The following USH2A variants were observed in gnomAD, a reference collection of about 807,000 sequenced individuals.
The protein encoded by USH2A is usherin, also known as Usher syndrome 2A (autosomal recessive, mild).
Under a neutral mutation model 538.9 loss-of-function variants are expected in USH2A, and 443 were observed. The observed-to-expected ratio is 0.82, with a 90% CI of 0.76 to 0.89. USH2A has a LOEUF of 0.89. USH2A is among the 40% of genes least tolerant of loss of function. The pLI is 0.00. For synonymous variants in USH2A, 2,413 were observed against 2,273.5 expected, an observed-to-expected ratio of 1.06 and a Z score of -1.75; for missense variants, 6,633 against 6,324.8, an observed-to-expected ratio of 1.05 and a Z score of -1.65.
chr1:216,081,281 C>T (rs753702691), intron 26 of USH2A, among the ~76,000 whole-genome samples: 26 of 151,978 alleles, frequency 1.7e-4, no homozygotes, highest in African/African-American at 7.2e-5. Context: ...GGTGTCAATG[C>T]GTTGGTGAAC....
chr1:215,765,504 T>C (rs1023756113), intron 56 of USH2A, among the ~76,000 whole-genome samples: 1 of 152,170 alleles, frequency 6.6e-6, no homozygotes, highest in Non-Finnish European at 1.5e-5. Flanking sequence ...TAACATTGCA[T>C]TTCTGTTTAG....
intron 40 of USH2A, among the ~76,000 whole-genome samples, chr1:215,892,146 C>G (rs1443405693): frequency 6.6e-6 from 1 of 152,040 alleles, no homozygotes; most frequent in Middle Eastern, 3.2e-3. Context: ...TGTGTGCGCA[C>G]ACACTTGTTT....
At chr1:216,387,931 C>T (rs1412693596) in intron 3 of USH2A, among the ~76,000 whole-genome samples, 2 of 152,090 alleles carry the variant, frequency 1.3e-5, no homozygotes, top group Non-Finnish European at 2.9e-5. Flanking sequence ...AGTTGAATAG[C>T]GTCAGGCTCT....
intron 64 of USH2A, among the ~76,000 whole-genome samples, chr1:215,659,162 T>C (rs913552301): frequency 1.3e-5 from 2 of 152,202 alleles, no homozygotes; most frequent in Non-Finnish European, 2.9e-5. Context: ...TGTAGGGTGA[T>C]ATACATAAGG....
chr1:216,129,012 T>C (rs1410071233), intron 21 of USH2A, among the ~76,000 whole-genome samples: 1 of 152,134 alleles, frequency 6.6e-6, no homozygotes, highest in African/African-American at 2.4e-5. Context: ...AATATGTGTC[T>C]TTCTGTGCCT....
rs1207655631 is a variant in USH2A at position 215,671,297 on chromosome 1, CA to C, written c.13812-5del. On this transcript the variant is annotated splice_region_variant and splice_polypyrimidine_tract_variant and intron_variant, in intron 63 of 71. Transcript: ENST00000307340. ...CGCTTGAATTCGTATTTCATACCTT[CA>C]GGACATAAGGCAGAAATTAGTGATT... 6.2e-7 allele frequency: 1 copy of C among 1,613,512 alleles called. No homozygotes were observed. The highest frequency in any genetic ancestry group is 8.5e-7 in the Non-Finnish European group (1 of 1,179,946).
intron 65 of USH2A, among the ~76,000 whole-genome samples, chr1:215,650,250 T>A (rs1657010832): frequency 1.3e-5 from 2 of 152,242 alleles, no homozygotes; most frequent in Non-Finnish European, 1.5e-5. Context: ...GCCAACTTCT[T>A]ACTATGTGCC....
intron 51 of USH2A, among the ~76,000 whole-genome samples, chr1:215,788,946 CA>C (rs1004310551): frequency 6.8e-6 from 1 of 146,144 alleles, no homozygotes; most frequent in African/African-American, 2.5e-5. Context: ...CAAAACAAAA[CA>C]AAAAAACAGG....
rs533719385 is a variant in USH2A, at chr1:216,355,299, C to T, written c.784+9654G>A. ...GCCTGGGTTGACAGAGTGAAAGACT[C>T]TGCTTCAAAAAGAAAGAAAGAAAGA... On this transcript the variant is annotated intron_variant, in intron 4 of 71. Transcript: ENST00000307340. 4.1e-5 allele frequency among the ~76,000 whole-genome samples: 4 copies of T among 96,788 alleles called. No homozygotes were observed. In the South Asian group the frequency reaches 1.2e-3, roughly 28 times the overall value. 63.5% of individuals were successfully genotyped at this position (96,788 alleles called of 152,430 possible). A position where few individuals can be genotyped will look rare whatever the true frequency, so the allele number is the denominator to read the frequency against.
intron 30 of USH2A, among the ~76,000 whole-genome samples, chr1:216,050,736 C>A (rs925240498): frequency 6.6e-6 from 1 of 150,734 alleles, no homozygotes; most frequent in Non-Finnish European, 1.5e-5. Flanking sequence ...TCCACAGTAG[C>A]TGGGACTACA....
rs116425843 is a variant in USH2A, at chr1:215,958,659, C to T, written c.7120+6658G>A. On this transcript the variant is annotated intron_variant, in intron 37 of 71. Coordinates refer to ENST00000307340, the MANE Select transcript of USH2A (RefSeq NM_206933.4). ...ATATCCTAATCGGTCTTTAAGGCAC[C>T]CCACTCCTTCCAGATGTTACCACTG... Among the ~76,000 whole-genome samples the T allele has an allele frequency of 4.7e-3, 709 of 152,044 alleles. 5 individuals carry two copies. Among genetic ancestry groups the T allele is most frequent in the African/African-American group, 0.016 (683 of 41,506 alleles).
chr1:215,807,019 A>G (rs1400658165), intron 49 of USH2A, among the ~76,000 whole-genome samples: 1 of 152,062 alleles, frequency 6.6e-6, no homozygotes, highest in African/African-American at 2.4e-5. Context: ...AGATGTCCAC[A>G]TCCTAATCCC....
rs559350900 is a variant in USH2A at position 216,237,426 on chromosome 1, C to T, written c.2810-5290G>A. Among the ~76,000 whole-genome samples, 3 of 149,496 alleles carry T rather than the reference C, an allele frequency of 2.0e-5. No individual in the cohort carries two copies. The East Asian group carries it at 6.0e-4, about 30-fold the overall frequency. Reference sequence around the variant, plus strand: ...TTAGTTATTTAGAAAAAGTTCCACTCTTAGCTTGCAGTGAGCTGAGATCGT... The same window carrying T: ...TTAGTTATTTAGAAAAAGTTCCACTTTTAGCTTGCAGTGAGCTGAGATCGT... On this transcript the variant is annotated intron_variant, in intron 13 of 71. Coordinates refer to ENST00000307340, the MANE Select transcript of USH2A (RefSeq NM_206933.4).
At chr1:215,783,358 A>T (rs1218174062) in intron 52 of USH2A, among the ~76,000 whole-genome samples, 2 of 152,132 alleles carry the variant, frequency 1.3e-5, no homozygotes, top group Admixed American at 6.5e-5. Flanking sequence ...AATATTACTT[A>T]AAAAATTTTA....
At chr1:215,733,591 G>A (rs1258711815) in intron 60 of USH2A, among the ~76,000 whole-genome samples, 2 of 152,148 alleles carry the variant, frequency 1.3e-5, no homozygotes, top group African/African-American at 4.8e-5. Flanking sequence ...TCACCTATAA[G>A]CCTATAAAAT....
intron 11 of USH2A, among the ~76,000 whole-genome samples, chr1:216,261,931 G>T (rs1041524951): frequency 6.6e-5 from 10 of 152,106 alleles, no homozygotes; most frequent in Admixed American, 4.6e-4. Flanking sequence ...CCACAGGTTA[G>T]GTCAGTGAAG....
intron 55 of USH2A, among the ~76,000 whole-genome samples, chr1:215,767,513 A>T (rs1001296898): frequency 6.6e-6 from 1 of 152,196 alleles, no homozygotes; most frequent in Admixed American, 6.5e-5. Flanking sequence ...CATAGATTAA[A>T]GCTAATTTGG....
intron 9 of USH2A, among the ~76,000 whole-genome samples, chr1:216,317,811 C>T (rs1037280097): frequency 6.6e-6 from 1 of 152,004 alleles, no homozygotes; most frequent in Admixed American, 6.6e-5. Context: ...CAAGATCATG[C>T]CACTGCACTC....
intron 44 of USH2A, among the ~76,000 whole-genome samples, chr1:215,853,005 A>G (rs1169334242): frequency 1.3e-5 from 2 of 152,190 alleles, no homozygotes. Flanking sequence ...CCCTCTTCTT[A>G]CAGTAGCACT....
Sources: allele counts gnomAD v4.1 joint callset (sites outside exome capture counted in the v4.1 genomes callset), GRCh38; gene constraint gnomAD v4.1.1; transcripts MANE v1.5; gene names NCBI Gene and HGNC (gene_info 2026-07-23, HGNC 2026-07-21).